The following WWOX variants were observed in gnomAD, a reference collection of about 807,000 sequenced individuals.
WWOX encodes WW domain containing oxidoreductase.
A neutral mutation model predicts 46.2 loss-of-function variants in WWOX; 69 were observed. That is an observed-to-expected ratio of 1.49 (90% CI 1.23 to 1.82). WWOX has a LOEUF of 1.82. Ranked by LOEUF, WWOX falls within the 40% of genes most tolerant of loss-of-function variation. The pLI is 0.00. For synonymous variants in WWOX, 359 were observed against 202.6 expected, an observed-to-expected ratio of 1.77 and a Z score of -6.56; for missense variants, 919 against 542.6, an observed-to-expected ratio of 1.69 and a Z score of -6.89.
chr16:78,983,752 C>A (rs1318602685), intron 8 of WWOX, among the ~76,000 whole-genome samples: 2 of 152,038 alleles, frequency 1.3e-5, no homozygotes, highest in African/African-American at 4.8e-5. Flanking sequence ...GAGAGATAAA[C>A]TTCTATTGTG....
chr16:79,202,757 A>G (rs907689728), intron 8 of WWOX: 5 of 152,224 alleles, frequency 3.3e-5, no homozygotes, highest in African/African-American at 7.2e-5. Flanking sequence ...AGCAGCATGC[A>G]TAGCTTGTTA....
intron 8 of WWOX, among the ~76,000 whole-genome samples, chr16:78,708,858 A>G (rs894027998): frequency 6.6e-6 from 1 of 152,268 alleles, no homozygotes; most frequent in Non-Finnish European, 1.5e-5. Flanking sequence ...AAGGGCTTGT[A>G]TGCAAAGGAC....
intron 8 of WWOX, among the ~76,000 whole-genome samples, chr16:78,665,087 A>G (rs1333156649): frequency 6.6e-6 from 1 of 152,152 alleles, no homozygotes; most frequent in East Asian, 1.9e-4. Flanking sequence ...AGGATCATCT[A>G]TTAGGTAAAT....
At chr16:78,685,328 A>G (rs1597443614) in intron 8 of WWOX, among the ~76,000 whole-genome samples, 2 of 151,968 alleles carry the variant, frequency 1.3e-5, no homozygotes, top group Non-Finnish European at 2.9e-5. Context: ...CAGCCTAATA[A>G]CTTTCATTCT....
intron 8 of WWOX, among the ~76,000 whole-genome samples, chr16:78,578,505 G>A (rs183605264): frequency 6.6e-6 from 1 of 151,344 alleles, no homozygotes; most frequent in Non-Finnish European, 1.5e-5. Flanking sequence ...TATCAGGATG[G>A]TCTCAATCTC....
At chr16:78,123,793 C>G (rs1250371552) in intron 4 of WWOX, 1 of 151,878 alleles carries the variant, frequency 6.6e-6, no homozygotes, top group African/African-American at 2.4e-5. Context: ...GTCCCTTGCC[C>G]CCTGCTACAA....
intron 8 of WWOX, among the ~76,000 whole-genome samples, chr16:78,922,591 C>T (rs974431205): frequency 2.6e-5 from 4 of 152,182 alleles, no homozygotes; most frequent in African/African-American, 9.7e-5. Context: ...GTTGCCCAGG[C>T]TGCTCTCGAG....
In WWOX at chr16:78,184,369, G is replaced by A. The variant is rs1157832134; in HGVS notation, c.516+20080G>A. On this transcript the variant is annotated intron_variant, in intron 5 of 8. Coordinates refer to ENST00000566780, the MANE Select transcript of WWOX (RefSeq NM_016373.4). ...GTTTTCTCATGATGCCAGAGAAAATGACCTCATTATCATCATGCTCACATT... is the reference window on the plus strand; with the variant it reads ...GTTTTCTCATGATGCCAGAGAAAATAACCTCATTATCATCATGCTCACATT... 2.0e-5 allele frequency among the ~76,000 whole-genome samples: 3 copies of A among 152,224 alleles called. No homozygotes were observed. The East Asian group carries it at 5.8e-4, about 29-fold the overall frequency.
At chr16:78,703,160 G>C (rs1012829258) in intron 8 of WWOX, among the ~76,000 whole-genome samples, 1 of 152,088 alleles carries the variant, frequency 6.6e-6, no homozygotes, top group Non-Finnish European at 1.5e-5. Flanking sequence ...GGGTGGTCGT[G>C]AGTTTTTATG....
chr16:78,754,337 C>T (rs766586913), intron 8 of WWOX, among the ~76,000 whole-genome samples: 12 of 152,048 alleles, frequency 7.9e-5, no homozygotes, highest in African/African-American at 2.9e-4. Flanking sequence ...AGCCTAAGGT[C>T]AGTGTGCAAG....
intron 8 of WWOX, among the ~76,000 whole-genome samples, chr16:79,117,666 A>T (rs1284412315): frequency 6.6e-6 from 1 of 152,234 alleles, no homozygotes; most frequent in African/African-American, 2.4e-5. Context: ...TAGTGTAGCC[A>T]CCTTAGTGGT....
At chr16:78,375,731 T>A (rs1040954706) in intron 5 of WWOX, among the ~76,000 whole-genome samples, 1 of 152,176 alleles carries the variant, frequency 6.6e-6, no homozygotes, top group African/African-American at 2.4e-5. Flanking sequence ...AGAAAAAAAT[T>A]ATAGTTTCCT....
intron 8 of WWOX, among the ~76,000 whole-genome samples, chr16:78,441,813 T>C (rs191898154): frequency 1.2e-4 from 19 of 152,250 alleles, no homozygotes; most frequent in Admixed American, 9.8e-4. Flanking sequence ...ACTATTGTTA[T>C]TGGCTTGCAG....
chr16:78,310,037 A>G (rs1387265452), intron 5 of WWOX, among the ~76,000 whole-genome samples: 2 of 151,360 alleles, frequency 1.3e-5, no homozygotes, highest in Non-Finnish European at 3.0e-5. Flanking sequence ...TATTGTCATT[A>G]TCTTCCCTTC....
intron 8 of WWOX, among the ~76,000 whole-genome samples, chr16:78,716,597 G>C (rs967947281): frequency 6.6e-6 from 1 of 152,024 alleles, no homozygotes; most frequent in Non-Finnish European, 1.5e-5. Context: ...GCAAGTTCGT[G>C]TGGTTCTGTG....
chr16:78,744,388 G>T (rs544238083), intron 8 of WWOX, among the ~76,000 whole-genome samples: 1 of 150,954 alleles, frequency 6.6e-6, no homozygotes, highest in African/African-American at 2.4e-5. Flanking sequence ...ACGCTTGAAG[G>T]GGCCAGATTA....
intron 8 of WWOX, among the ~76,000 whole-genome samples, chr16:79,173,625 C>G (rs913805155): frequency 6.6e-6 from 1 of 151,244 alleles, no homozygotes. Context: ...AAGCCTTTCT[C>G]TTGAAAAATT....
chr16:78,996,369 T>TGCGGGGGGGG, intron 8 of WWOX: 1 of 879,320 alleles, frequency 1.1e-6, no homozygotes, highest in Non-Finnish European at 1.3e-6. Flanking sequence ...GAGTGAATTC[T>TGCGGGGGGGG]GCACCCACCC....
intron 8 of WWOX, among the ~76,000 whole-genome samples, chr16:79,005,965 C>T (rs1778805793): frequency 6.6e-6 from 1 of 152,166 alleles, no homozygotes; most frequent in Non-Finnish European, 1.5e-5. Flanking sequence ...ACTGGCCATT[C>T]CTGGGGACAG....
Sources: allele counts gnomAD v4.1 joint callset (sites outside exome capture counted in the v4.1 genomes callset), GRCh38; gene constraint gnomAD v4.1.1; transcripts MANE v1.5; gene names NCBI Gene and HGNC (gene_info 2026-07-23, HGNC 2026-07-21).